NECTIN3: variants seen among roughly 807,000 people sequenced by gnomAD.
NECTIN3 encodes nectin cell adhesion molecule 3, also known as nectin-3.
A neutral mutation model predicts 49.4 loss-of-function variants in NECTIN3; 8 were observed. The ratio of observed to expected loss-of-function variants is 0.16; its 90% CI spans 0.10 to 0.29. The LOEUF is 0.29. Among genes scored for constraint, NECTIN3 ranks in the 10% least tolerant of loss-of-function variants. The pLI, the probability that NECTIN3 is intolerant of heterozygous loss-of-function variation, is 1.00. For synonymous variants in NECTIN3, 277 were observed against 241.1 expected (o/e 1.15, Z -1.38); for missense variants, 581 against 654.6 (o/e 0.89, Z 1.23).
At chr3:111,099,186 T>C (rs781441322) in intron 1 of NECTIN3, among the ~76,000 whole-genome samples, 2 of 152,190 alleles carry the variant, frequency 1.3e-5, no homozygotes, top group African/African-American at 2.4e-5. Flanking sequence ...AGTCACTAGT[T>C]TAGTTGTAGC....
intron 6 of NECTIN3, among the ~76,000 whole-genome samples, chr3:111,146,153 G>A (rs1576161047): frequency 6.6e-6 from 1 of 152,124 alleles, no homozygotes; most frequent in African/African-American, 2.4e-5. Context: ...AGTGACTAGC[G>A]GCCGAGCGCG....
At chr3:111,083,354 T>C (rs1215214218) in intron 1 of NECTIN3, among the ~76,000 whole-genome samples, 1 of 152,142 alleles carries the variant, frequency 6.6e-6, no homozygotes. Flanking sequence ...CTCAATGTGA[T>C]GGTGTTAGGG....
At chr3:111,072,366 T>C in intron 1 of NECTIN3, 189 bp downstream of exon 1, 1 of 1,482,168 alleles carries the variant, frequency 6.7e-7, no homozygotes. Flanking sequence ...GGCCAGCGAA[T>C]GCTGAGCCGG....
chr3:111,123,575 A>AT (rs1273117713), intron 4 of NECTIN3, among the ~76,000 whole-genome samples: 2 of 151,998 alleles, frequency 1.3e-5, no homozygotes, highest in Non-Finnish European at 2.9e-5. Flanking sequence ...ATTAACCTGC[A>AT]TTTTTTTGCC....
At chr3:111,177,444 A>G (rs1355188704) in intron 7 of NECTIN3, among the ~76,000 whole-genome samples, 1 of 152,208 alleles carries the variant, frequency 6.6e-6, no homozygotes, top group Non-Finnish European at 1.5e-5. Context: ...TTTGATCATT[A>G]CAACATCTAG....
chr3:111,157,699 G>T (rs2035126525), intron 7 of NECTIN3, among the ~76,000 whole-genome samples: 2 of 151,824 alleles, frequency 1.3e-5, no homozygotes, highest in South Asian at 4.1e-4. Flanking sequence ...CTTAGCTGTT[G>T]TCTGTTCTTG....
intron 7 of NECTIN3, among the ~76,000 whole-genome samples, chr3:111,149,026 T>C (rs1241089989): frequency 2.0e-5 from 3 of 152,158 alleles, no homozygotes; most frequent in Non-Finnish European, 2.9e-5. Context: ...TGAAACTTTA[T>C]TAAACTTGAT....
intron 3 of NECTIN3, among the ~76,000 whole-genome samples, chr3:111,121,418 A>G (rs1262240239): frequency 6.6e-6 from 1 of 152,178 alleles, no homozygotes; most frequent in Non-Finnish European, 1.5e-5. Context: ...TTGGAAGTAT[A>G]TATTTATATT....
At chr3:111,123,936 T>C (rs946721631) in intron 4 of NECTIN3, among the ~76,000 whole-genome samples, 7 of 152,154 alleles carry the variant, frequency 4.6e-5, no homozygotes, top group Non-Finnish European at 8.8e-5. Flanking sequence ...CTATTTTCTG[T>C]CTTCTAAAAG....
At chr3:111,165,017 T>C (rs2035289785) in intron 7 of NECTIN3, among the ~76,000 whole-genome samples, 1 of 152,114 alleles carries the variant, frequency 6.6e-6, no homozygotes, top group Non-Finnish European at 1.5e-5. Flanking sequence ...TTAATCAGAA[T>C]GCAGATGTTT....
At chr3:111,164,830 A>G (rs1339455510) in intron 7 of NECTIN3, among the ~76,000 whole-genome samples, 5 of 152,204 alleles carry the variant, frequency 3.3e-5, no homozygotes, top group Non-Finnish European at 7.3e-5. Context: ...CCACATTCAC[A>G]GGTACCCAGG....
chr3:111,132,971 T>A (rs542811982), intron 5 of NECTIN3, among the ~76,000 whole-genome samples: 14 of 151,840 alleles, frequency 9.2e-5, no homozygotes, highest in Non-Finnish European at 1.6e-4. Context: ...TTTATTTTTT[T>A]AAATTACTAA....
intron 5 of NECTIN3, among the ~76,000 whole-genome samples, chr3:111,129,272 T>C (rs1438675421): frequency 6.6e-6 from 1 of 152,148 alleles, no homozygotes; most frequent in African/African-American, 2.4e-5. Context: ...TTTGCTACTA[T>C]TGGTCCCCTT....
chr3:111,115,559 C>T (rs1234541723), intron 2 of NECTIN3, among the ~76,000 whole-genome samples: 6 of 152,162 alleles, frequency 3.9e-5, no homozygotes, highest in East Asian at 1.9e-4. Context: ...TAGCAAGATT[C>T]CCAAGTGACT....
intron 1 of NECTIN3, chr3:111,077,282 G>A (rs1328813643): frequency 2.8e-6 from 1 of 359,636 alleles, no homozygotes; most frequent in South Asian, 2.1e-5. Context: ...TGCATTGTGA[G>A]TAGATATTCA....
chr3:111,145,345 T>C (rs1055204389), intron 6 of NECTIN3, among the ~76,000 whole-genome samples: 7 of 152,196 alleles, frequency 4.6e-5, no homozygotes, highest in South Asian at 2.1e-4. Context: ...TGTAAGCCTT[T>C]CATGAAGTGG....
At chr3:111,077,662 A>T (rs1311168473) in intron 1 of NECTIN3, among the ~76,000 whole-genome samples, 1 of 152,212 alleles carries the variant, frequency 6.6e-6, no homozygotes, top group Non-Finnish European at 1.5e-5. Context: ...TTTGAAAGAC[A>T]ACATCAGATA....
chr3:111,182,702 C>T (rs2035648525), intron 7 of NECTIN3, among the ~76,000 whole-genome samples: 1 of 151,622 alleles, frequency 6.6e-6, no homozygotes, highest in Non-Finnish European at 1.5e-5. Context: ...CATCCCTTTG[C>T]TTTTAACCAA....
intron 1 of NECTIN3, among the ~76,000 whole-genome samples, chr3:111,109,550 G>A (rs1037317687): frequency 1.3e-5 from 2 of 151,752 alleles, no homozygotes; most frequent in African/African-American, 4.8e-5. Context: ...TAGTATAAAA[G>A]AGGGATCTGT....
Sources: allele counts gnomAD v4.1 joint callset (sites outside exome capture counted in the v4.1 genomes callset), GRCh38; gene constraint gnomAD v4.1.1; transcripts MANE v1.5; gene names NCBI Gene and HGNC (gene_info 2026-07-23, HGNC 2026-07-21).